ARHGEF17: variants seen among roughly 807,000 people sequenced by gnomAD.
ARHGEF17 encodes Rho guanine nucleotide exchange factor 17.
ARHGEF17 carries 80 observed loss-of-function variants against 174.0 expected under a neutral mutation model. The observed-to-expected ratio is 0.46, with a 90% CI of 0.38 to 0.55. ARHGEF17 has a LOEUF of 0.55. Ranked by LOEUF, ARHGEF17 falls within the 20% of genes least tolerant of loss-of-function variation. The pLI, the probability that ARHGEF17 is intolerant of heterozygous loss-of-function variation, is 0.00. For missense variants in ARHGEF17, 2,886 were observed against 2,839.7 expected, an observed-to-expected ratio of 1.02 and a Z score of -0.37; for synonymous variants, 1,311 against 1,189.1, an observed-to-expected ratio of 1.10 and a Z score of -2.11.
chr11:73,342,711 C>G (rs954390043), intron 1 of ARHGEF17, among the ~76,000 whole-genome samples: 1 of 151,806 alleles, frequency 6.6e-6, no homozygotes, highest in Non-Finnish European at 1.5e-5. Context: ...GGTACAGGTG[C>G]GGACGGAAAG....
chr11:73,336,407 G>C (rs946998655), intron 1 of ARHGEF17, among the ~76,000 whole-genome samples: 3 of 152,224 alleles, frequency 2.0e-5, no homozygotes, highest in Non-Finnish European at 4.4e-5. Flanking sequence ...AGGTCTAGGA[G>C]GGGGCTGGGA....
In ARHGEF17 at chr11:73,359,735, C is replaced by T. The variant is rs148608426; in HGVS notation, c.4088-99C>T. The T allele has an allele frequency of 6.9e-3, 7,292 of 1,055,010 alleles. 71 individuals carry two copies. The highest frequency in any genetic ancestry group is 0.036 in the Middle Eastern group (160 of 4,454). The allele number at this position is 1,055,010 out of a possible 1,614,324, so 65.4% of individuals were successfully genotyped here. A position where few individuals can be genotyped will look rare whatever the true frequency, so the allele number is the denominator to read the frequency against. ...GCTTTCGGTTTGTCAGGTCTCTCCC[C>T]GGCCCAGCTGCAGGCTATGCAGTGA... On this transcript the variant is annotated intron_variant, in intron 9 of 20. Transcript: ENST00000263674.
At chr11:73,317,405 C>T (rs886747524) in intron 1 of ARHGEF17, among the ~76,000 whole-genome samples, 3 of 151,974 alleles carry the variant, frequency 2.0e-5, no homozygotes, top group East Asian at 1.9e-4. Flanking sequence ...TGGGCAGGGT[C>T]TGCCCAAGGC....
In ARHGEF17 at chr11:73,310,778, C is replaced by T; in HGVS notation, c.2140C>T (p.Pro714Ser). Residue 714 changes from proline to serine, a missense_variant, in exon 1 of 21, where the codon CCT (proline) becomes TCT (serine). Physicochemically the swap from Pro to Ser is moderately conservative, Grantham distance 74. Coordinates refer to ENST00000263674, the MANE Select transcript of ARHGEF17 (RefSeq NM_014786.4). Reference sequence around the variant, plus strand: ...CCTCCGCCGACGACGCAAAGTCCCACCTTCAGGTTCTGGTGGGAGCGAATT... The same window carrying T: ...CCTCCGCCGACGACGCAAAGTCCCATCTTCAGGTTCTGGTGGGAGCGAATT... Reference protein sequence around the residue: ...GALRRRRKVPPSGSGGSELSN... With the variant: ...GALRRRRKVPSSGSGGSELSN... 6.2e-7 allele frequency: 1 copy of T among 1,612,066 alleles called. No homozygotes were observed. The highest frequency in any genetic ancestry group is 1.1e-5 in the South Asian group (1 of 91,038).
At chr11:73,344,365 C>CCG (rs1359412145) in intron 1 of ARHGEF17, among the ~76,000 whole-genome samples, 1 of 152,242 alleles carries the variant, frequency 6.6e-6, no homozygotes, top group African/African-American at 2.4e-5. Context: ...GAGTGACAGG[C>CCG]CGCTGTGCTC....
At chr11:73,366,443 C>T (rs1033075971) in intron 20 of ARHGEF17, among the ~76,000 whole-genome samples, 3 of 152,048 alleles carry the variant, frequency 2.0e-5, no homozygotes, top group Non-Finnish European at 4.4e-5. Flanking sequence ...GTGAAACAGC[C>T]GGGTGCCAGG....
intron 1 of ARHGEF17, among the ~76,000 whole-genome samples, chr11:73,326,377 C>T (rs12284575): frequency 3.9e-5 from 6 of 151,998 alleles, no homozygotes; most frequent in African/African-American, 7.3e-5. Flanking sequence ...AGGTGGGCCC[C>T]GGGAGTTCCT....
chr11:73,329,341 A>G (rs1441796984), intron 1 of ARHGEF17, among the ~76,000 whole-genome samples: 7 of 5,540 alleles, frequency 1.3e-3, no homozygotes, highest in African/African-American at 6.4e-3. Flanking sequence ...ATATATATAT[A>G]TATATATATA....
At chr11:73,366,846 C>T (rs186659292) in intron 20 of ARHGEF17, among the ~76,000 whole-genome samples, 54 of 152,278 alleles carry the variant, frequency 3.5e-4, no homozygotes, top group Non-Finnish European at 7.5e-4. Flanking sequence ...TCGAGACCAG[C>T]CTGGCCAACA....
At chr11:73,360,245 G>C in intron 10 of ARHGEF17, 75 bp from the exon 11 acceptor site, 2 of 1,522,620 alleles carry the variant, frequency 1.3e-6, no homozygotes, top group Non-Finnish European at 1.8e-6. Flanking sequence ...AGAGAGGCAG[G>C]TCCCCACACA....
At chr11:73,339,147 A>G (rs1210805995) in intron 1 of ARHGEF17, among the ~76,000 whole-genome samples, 1 of 152,150 alleles carries the variant, frequency 6.6e-6, no homozygotes. Context: ...CACCTGCATC[A>G]TGCTTGCCAT....
At chr11:73,321,104 C>T (rs940214571) in intron 1 of ARHGEF17, among the ~76,000 whole-genome samples, 4 of 152,128 alleles carry the variant, frequency 2.6e-5, no homozygotes, top group Non-Finnish European at 4.4e-5. Flanking sequence ...TCTTTCCAGC[C>T]GTGAAGCAGA....
At chr11:73,329,956 C>T (rs534441752) in intron 1 of ARHGEF17, among the ~76,000 whole-genome samples, 1 of 152,282 alleles carries the variant, frequency 6.6e-6, no homozygotes, top group East Asian at 1.9e-4. Context: ...CAACTCAGAC[C>T]TTTGGGTATC....
At chr11:73,349,259 CCTT>C (rs2134412902) in intron 2 of ARHGEF17, among the ~76,000 whole-genome samples, 1 of 152,336 alleles carries the variant, frequency 6.6e-6, no homozygotes, top group South Asian at 2.1e-4. Flanking sequence ...AATCACCTCA[CCTT>C]CTCTGAGCCT....
At chr11:73,353,110 T>A in intron 3 of ARHGEF17, 98 bp downstream of exon 3, 1 of 1,431,738 alleles carries the variant, frequency 7.0e-7, no homozygotes, top group Non-Finnish European at 9.5e-7. Flanking sequence ...CCCACCTGGA[T>A]ACTGACTCTG....
At chr11:73,323,076 T>A (rs1865041744) in intron 1 of ARHGEF17, among the ~76,000 whole-genome samples, 1 of 152,146 alleles carries the variant, frequency 6.6e-6, no homozygotes, top group South Asian at 2.1e-4. Context: ...GCCCTGCCTC[T>A]GTGCCCAGCA....
Position 73,355,626 on chromosome 11 carries a change from C to T in ARHGEF17, c.3547C>T (p.Pro1183Ser). ...DAVRVAKEAR[P>S]AFLKFLEQSM... Reference sequence around the variant, plus strand: ...TGTGCGTGTGGCCAAGGAGGCGAGGCCTGCCTTTCTCAAGTTCCTAGAGGT... The same window carrying T: ...TGTGCGTGTGGCCAAGGAGGCGAGGTCTGCCTTTCTCAAGTTCCTAGAGGT... The change falls in exon 4 of 21, where the codon CCT becomes TCT. Residue 1183 changes from proline (P) to serine (S), a missense_variant. Pro to Ser is a moderately conservative substitution (Grantham distance 74). Transcript: ENST00000263674. 6.2e-7 allele frequency: 1 copy of T among 1,614,138 alleles called. No homozygotes were observed. The highest frequency in any genetic ancestry group is 8.5e-7 in the Non-Finnish European group (1 of 1,179,960).
At chr11:73,349,546 G>A (rs985355610) in intron 2 of ARHGEF17, among the ~76,000 whole-genome samples, 1 of 152,156 alleles carries the variant, frequency 6.6e-6, no homozygotes, top group Non-Finnish European at 1.5e-5. Flanking sequence ...AACCCGGGAG[G>A]CAGAGGTTGC....
chr11:73,310,837 C>A lies in ARHGEF17; in HGVS notation c.2199C>A (p.Ser733=). Residue 733 remains serine, a synonymous_variant, in exon 1 of 21, where the codon TCC becomes TCA. Transcript: ENST00000263674. ...SNGEAGEAYR[S]LSDPIPQRHR... ...GGGAGGCAGGGGAGGCCTACAGGTC[C>A]CTGAGTGACCCAATTCCTCAGCGCC... 1 of 1,611,944 alleles carries A rather than the reference C, an allele frequency of 6.2e-7. No homozygotes were observed.
Sources: gnomAD v4.1 joint callset for allele counts (sites outside exome capture counted in the v4.1 genomes callset) on GRCh38, gnomAD v4.1.1 for gene constraint, MANE v1.5 for transcripts, NCBI Gene and HGNC (gene_info 2026-07-23, HGNC 2026-07-21) for gene names.